The following EEF1D variants were observed in gnomAD, a reference collection of about 807,000 sequenced individuals.
The protein encoded by EEF1D is eukaryotic translation elongation factor 1 delta, also known as elongation factor 1-delta.
A neutral mutation model predicts 63.9 loss-of-function variants in EEF1D; 47 were observed. The observed-to-expected ratio is 0.74, with a 90% confidence interval of 0.58 to 0.94. EEF1D has a LOEUF of 0.94. Ranked by LOEUF, EEF1D falls within the 40% of genes least tolerant of loss-of-function variation. The pLI, the probability that EEF1D is intolerant of heterozygous loss-of-function variation, is 0.00. For missense variants in EEF1D, 907 were observed against 899.0 expected, an observed-to-expected ratio of 1.01 and a Z score of -0.11; for synonymous variants, 412 against 386.1, an observed-to-expected ratio of 1.07 and a Z score of -0.79.
chr8:143,593,318 C>G lies in EEF1D; in HGVS notation c.-14-658G>C, dbSNP rs551953684. On this transcript the variant is annotated intron_variant, in intron 1 of 9. Transcript: ENST00000618139. ...GACAGGACCTCCACCCAGTTCACTC[C>G]TCGGCTGGAGACACTAGGTGTCCTG... Among the ~76,000 whole-genome samples the G allele has an allele frequency of 1.1e-4, 17 of 152,342 alleles. 1 individual carries two copies. In the South Asian group the frequency reaches 3.5e-3, roughly 32 times the overall value.
chr8:143,592,725 A>C, intron 1 of EEF1D, 65 bp from the exon 2 acceptor site: 4 of 985,524 alleles, frequency 4.1e-6, no homozygotes, highest in Non-Finnish European at 4.8e-6. Flanking sequence ...CGGGTCAGAC[A>C]CAGCAGCAGG....
At chr8:143,590,631 A>G (rs1563987293) in intron 2 of EEF1D, 1 of 1,009,698 alleles carries the variant, frequency 9.9e-7, no homozygotes, top group Non-Finnish European at 1.2e-6. Flanking sequence ...TCGGCCAGGC[A>G]CGGTGGCTCA....
intron 3 of EEF1D, among the ~76,000 whole-genome samples, chr8:143,587,977 G>A (rs529807080): frequency 6.6e-5 from 10 of 152,232 alleles, no homozygotes; most frequent in East Asian, 3.9e-4. Context: ...TGTGGACTCC[G>A]GACCATCGCT....
chr8:143,583,510 C>A (rs28606985), intron 5 of EEF1D: 53,923 of 152,226 alleles, frequency 0.35, 10,047 homozygotes, highest in African/African-American at 0.47. Flanking sequence ...AATCTGTGCT[C>A]CCTTAATCTC....
chr8:143,586,358 C>A, intron 4 of EEF1D, 68 bp from the exon 5 acceptor site: 3 of 1,363,828 alleles, frequency 2.2e-6, no homozygotes, highest in Admixed American at 5.3e-5. Flanking sequence ...AAAAAACAAA[C>A]CAAAAAACCC....
chr8:143,596,198 C>T (rs1472622319), intron 1 of EEF1D: 3 of 152,428 alleles, frequency 2.0e-5, no homozygotes, highest in Non-Finnish European at 2.9e-5. Context: ...GGCGCTCACT[C>T]TGCCAGCACT....
chr8:143,596,856 G>C (rs1339834723), intron 1 of EEF1D: 1 of 152,316 alleles, frequency 6.6e-6, no homozygotes, highest in Non-Finnish European at 1.5e-5. Flanking sequence ...TCACAGTACA[G>C]GCTTATTCCT....
At position 143,589,558 on chromosome 8, in the gene EEF1D, C is replaced by G; in HGVS notation, c.524G>C (p.Arg175Pro). The G allele has an allele frequency of 6.6e-7, 1 of 1,513,866 alleles. No individual in the cohort carries two copies. The highest frequency in any genetic ancestry group is 8.8e-7 in the Non-Finnish European group (1 of 1,131,014). The allele number at this position is 1,513,866 out of a possible 1,614,324, so 93.8% of individuals were successfully genotyped here. The change falls in exon 3 of 10, where the codon CGG becomes CCG. Residue 175 changes from arginine (R) to proline (P), a missense_variant. Coordinates refer to ENST00000618139, the MANE Select transcript of EEF1D (RefSeq NM_001130053.5). Reference sequence around the variant, plus strand: ...GGCCTGAGACCACTCCACGAAGGCCCGCTCAGCCTGGTCGAAGGAGGACTT... The same window carrying G: ...GGCCTGAGACCACTCCACGAAGGCCGGCTCAGCCTGGTCGAAGGAGGACTT... ...VNKSSFDQAE[R>P]AFVEWSQALL... is the part of the protein sequence containing the mutation.
In EEF1D at chr8:143,589,608, G is replaced by A. The variant is rs746145445; in HGVS notation, c.474C>T (p.His158=). Residue 158 remains histidine, a synonymous_variant, in exon 3 of 10, where the codon CAC becomes CAT. Coordinates refer to ENST00000618139, the MANE Select transcript of EEF1D (RefSeq NM_001130053.5). ...TGTTGACCCAGATCCCCCAGGTCAC[G>A]TGGTGGCAGGCCACCTGGTTTCCAT... ...CTHGNQVACH[H]VTWGIWVNKS... The A allele has an allele frequency of 4.6e-6, 7 of 1,530,484 alleles. No individual in the cohort carries two copies. In the African/African-American group the frequency reaches 5.5e-5, roughly 12 times the overall value. 94.8% of individuals were successfully genotyped at this position (1,530,484 alleles called of 1,614,324 possible). A position where few individuals can be genotyped will look rare whatever the true frequency, so the allele number is the denominator to read the frequency against.
chr8:143,593,839 T>C (rs546769119), intron 1 of EEF1D: 190 of 985,164 alleles, frequency 1.9e-4, no homozygotes, highest in Non-Finnish European at 2.3e-4. Flanking sequence ...CACCTCCTCA[T>C]TTCCCCGCTT....
In EEF1D at chr8:143,586,227, G is replaced by A; in HGVS notation, c.1279C>T (p.Leu427=). ...GGGCCGCGGGTACTCACTCCAGCCA[G>A]GGATTTCTGGATGTTCTCTCTGGCT... The part of the protein sequence containing the change: ...ARARENIQKS[L]AGSSGPGASS... Residue 427 remains leucine, a synonymous_variant, in exon 5 of 10, where the codon CTG becomes TTG. Transcript: ENST00000618139. 3.7e-6 allele frequency: 6 copies of A among 1,609,668 alleles called. No homozygotes were observed. The highest frequency in any genetic ancestry group is 5.1e-6 in the Non-Finnish European group (6 of 1,178,866).
intron 3 of EEF1D, chr8:143,587,078 AG>A (rs989269276): frequency 1.1e-4 from 53 of 460,990 alleles, no homozygotes; most frequent in Admixed American, 1.9e-4. Flanking sequence ...GAGGGTCCCC[AG>A]GCCCTTCCCT....
intron 3 of EEF1D, 121 bp downstream of exon 3, chr8:143,588,870 G>A (rs951036457): frequency 7.7e-5 from 102 of 1,328,820 alleles, no homozygotes; most frequent in Non-Finnish European, 8.9e-5. Flanking sequence ...CTGGGCCCAC[G>A]GGTCTCGGGG....
chr8:143,588,924 C>CA, intron 3 of EEF1D, 67 bp downstream of exon 3: 1 of 1,518,470 alleles, frequency 6.6e-7, no homozygotes, highest in Non-Finnish European at 8.8e-7. Context: ...GGAGGAGCCC[C>CA]AGCCTGGGAT....
chr8:143,587,180 G>A (rs182032563), intron 3 of EEF1D: 17 of 198,352 alleles, frequency 8.6e-5, no homozygotes, highest in Admixed American at 5.4e-4. Flanking sequence ...CCAGACACCC[G>A]AGAGATTTGC....
At chr8:143,580,268 G>C in intron 8 of EEF1D, 62 bp from the exon 9 acceptor site, 2 of 1,523,266 alleles carry the variant, frequency 1.3e-6, no homozygotes, top group Non-Finnish European at 1.8e-6. Context: ...GGAAGTACCT[G>C]CATGCACCCT....
Position 143,589,288 on chromosome 8 carries a change from G to T in EEF1D, c.794C>A (p.Ala265Asp). The T allele has an allele frequency of 6.3e-7, 1 of 1,584,980 alleles. No homozygotes were observed. The highest frequency in any genetic ancestry group is 8.6e-7 in the Non-Finnish European group (1 of 1,164,918). Residue 265 changes from alanine to aspartate, a missense_variant, in exon 3 of 10, where the codon GCC becomes GAC. Ala to Asp is a moderately radical substitution (Grantham distance 126, BLOSUM62 -2). Transcript: ENST00000618139. Reference sequence around the variant, plus strand: ...CCGCCGGGCACCCTCGGCCAGGCCGGCTCGCTCTTGCAGGCGCACCTTCCC... The same window carrying T: ...CCGCCGGGCACCCTCGGCCAGGCCGTCTCGCTCTTGCAGGCGCACCTTCCC... ...PPGKVRLQERAGLAEGARRGR... is the reference protein window; with the variant it reads ...PPGKVRLQERDGLAEGARRGR...
chr8:143,583,339 C>T (rs1825919899), intron 5 of EEF1D: 1 of 152,262 alleles, frequency 6.6e-6, no homozygotes, highest in Non-Finnish European at 1.5e-5. Context: ...AGCAGCAAAC[C>T]AGTCCCTAAG....
rs567221112 is a variant in EEF1D at position 143,590,252 on chromosome 8, C to T, written c.1-171G>A. The T allele has an allele frequency of 5.8e-4, 580 of 1,008,676 alleles. 1 individual carries two copies. In the African/African-American group the frequency reaches 7.4e-3, roughly 13 times the overall value. 62.5% of individuals were successfully genotyped at this position (1,008,676 alleles called of 1,614,324 possible). A position where few individuals can be genotyped will look rare whatever the true frequency, so the allele number is the denominator to read the frequency against. ...TCCATGAGATGACATTCGAGGACTT[C>T]GAAGTCAAGCCCATGTGGGGACGTT... On this transcript the variant is annotated intron_variant, in intron 2 of 9. Transcript: ENST00000618139.
Sources: gnomAD v4.1 joint callset for allele counts (sites outside exome capture counted in the v4.1 genomes callset) on GRCh38, gnomAD v4.1.1 for gene constraint, MANE v1.5 for transcripts, NCBI Gene and HGNC (gene_info 2026-07-23, HGNC 2026-07-21) for gene names.